Variants in CNTNAP2 observed in about 807,000 individuals in gnomAD.
CNTNAP2 encodes the protein contactin-associated protein-like 2.
Under a neutral mutation model 155.2 loss-of-function variants are expected in CNTNAP2, and 98 were observed. That is an observed-to-expected ratio of 0.63 (90% CI 0.54 to 0.75). The LOEUF (loss-of-function observed/expected upper bound fraction) is 0.75. CNTNAP2 is among the 30% of genes least tolerant of loss of function. The pLI is 0.00. For missense variants in CNTNAP2, 1,727 were observed against 1,688.1 expected (o/e 1.02, Z -0.40); for synonymous variants, 651 against 631.2 (o/e 1.03, Z -0.47).
At chr7:146,632,085 G>T (rs1266488366) in intron 1 of CNTNAP2, among the ~76,000 whole-genome samples, 2 of 152,168 alleles carry the variant, frequency 1.3e-5, no homozygotes, top group African/African-American at 4.8e-5. Context: ...TCTCACAGGA[G>T]TGATGATGGA....
chr7:148,217,138 T>C, intron 18 of CNTNAP2, 150 bp from the exon 19 acceptor site: 1 of 700,926 alleles, frequency 1.4e-6, no homozygotes, highest in Non-Finnish European at 2.5e-6. Flanking sequence ...AGTATTTGTG[T>C]TGATGCAATA....
At chr7:146,330,463 T>A (rs1439141532) in intron 1 of CNTNAP2, among the ~76,000 whole-genome samples, 1 of 152,150 alleles carries the variant, frequency 6.6e-6, no homozygotes. Flanking sequence ...ACACAATCAA[T>A]TGTATGTATA....
At chr7:147,798,528 G>A (rs10240613) in intron 13 of CNTNAP2, among the ~76,000 whole-genome samples, 2,007 of 152,312 alleles carry the variant, frequency 0.013, 42 homozygotes, top group African/African-American at 0.045. Context: ...TGCACTGGAA[G>A]TGAGATGGCT....
intron 1 of CNTNAP2, among the ~76,000 whole-genome samples, chr7:146,567,832 T>C (rs973515933): frequency 4.6e-5 from 7 of 152,164 alleles, no homozygotes; most frequent in African/African-American, 7.2e-5. Flanking sequence ...GCCATTCTCC[T>C]GCCTCAGCCT....
At chr7:146,902,457 T>A (rs1199362867) in intron 3 of CNTNAP2, among the ~76,000 whole-genome samples, 1 of 152,200 alleles carries the variant, frequency 6.6e-6, no homozygotes, top group African/African-American at 2.4e-5. Flanking sequence ...TCATACTGAA[T>A]TTTGCTATAA....
chr7:146,506,172 G>T (rs1380289865), intron 1 of CNTNAP2, among the ~76,000 whole-genome samples: 5 of 152,182 alleles, frequency 3.3e-5, no homozygotes, highest in African/African-American at 1.2e-4. Context: ...TCCTGCAAGG[G>T]TAGGCAAACA....
chr7:146,784,668 A>G (rs1802543957), intron 2 of CNTNAP2, among the ~76,000 whole-genome samples: 1 of 152,144 alleles, frequency 6.6e-6, no homozygotes, highest in African/African-American at 2.4e-5. Flanking sequence ...CACTTCTATA[A>G]TGAGAAATTT....
chr7:147,262,537 G>T (rs1037774251), intron 8 of CNTNAP2, among the ~76,000 whole-genome samples: 1 of 152,174 alleles, frequency 6.6e-6, no homozygotes, highest in Non-Finnish European at 1.5e-5. Flanking sequence ...TGGCGCGGTG[G>T]CTCACGCCTG....
intron 9 of CNTNAP2, among the ~76,000 whole-genome samples, chr7:147,308,089 T>G (rs2116788274): frequency 6.6e-6 from 1 of 152,178 alleles, no homozygotes; most frequent in Admixed American, 6.5e-5. Flanking sequence ...AAACCTTTGA[T>G]TAAGAAGATA....
chr7:146,679,576 C>T (rs940125353), intron 1 of CNTNAP2, among the ~76,000 whole-genome samples: 9 of 151,870 alleles, frequency 5.9e-5, no homozygotes, highest in African/African-American at 2.4e-5. Context: ...AGGCTGGTCT[C>T]GAACGCCTGA....
In CNTNAP2 at chr7:147,903,666, C is replaced by T. The variant is rs775506190; in HGVS notation, c.2200C>T (p.Arg734Cys). The T allele has an allele frequency of 8.7e-6, 14 of 1,613,996 alleles. No individual in the cohort carries two copies. The highest frequency in any genetic ancestry group is 5.0e-5 in the Admixed American group (3 of 59,996). ...GIQKCACGIE[R>C]NCTDPKYYCN... ...CCAGAAATGTGCCTGCGGCATCGAA[C>T]GCAACTGCACAGATCCCAAGTACTA... Residue 734 changes from arginine to cysteine, a missense_variant, in exon 14 of 24, where the codon CGC (arginine) becomes TGC (cysteine). Physicochemically the swap from Arg to Cys is radical, Grantham distance 180. Coordinates refer to ENST00000361727, the MANE Select transcript of CNTNAP2 (RefSeq NM_014141.6).
intron 1 of CNTNAP2, among the ~76,000 whole-genome samples, chr7:146,450,508 C>A (rs2129122119): frequency 6.6e-6 from 1 of 152,310 alleles, no homozygotes; most frequent in African/African-American, 2.4e-5. Flanking sequence ...CGTGTGGCTT[C>A]TCTACTGCGT....
chr7:147,522,304 T>A (rs796622251), intron 11 of CNTNAP2, among the ~76,000 whole-genome samples: 4 of 152,350 alleles, frequency 2.6e-5, no homozygotes, highest in African/African-American at 9.6e-5. Context: ...TTATTTCTGA[T>A]TTTAATTGGT....
chr7:148,188,795 C>A (rs1176213512), intron 18 of CNTNAP2, among the ~76,000 whole-genome samples: 2 of 152,164 alleles, frequency 1.3e-5, no homozygotes, highest in Non-Finnish European at 2.9e-5. Context: ...GCATATATAG[C>A]ATTTCATTCC....
At chr7:147,510,678 G>A (rs1798999629) in intron 11 of CNTNAP2, among the ~76,000 whole-genome samples, 1 of 150,650 alleles carries the variant, frequency 6.6e-6, no homozygotes, top group Admixed American at 6.6e-5. Flanking sequence ...CATAAATTTT[G>A]AATTATTATT....
At chr7:146,874,589 G>A (rs146047865) in intron 3 of CNTNAP2, among the ~76,000 whole-genome samples, 3,199 of 151,988 alleles carry the variant, frequency 0.021, 86 homozygotes, top group Non-Finnish European at 0.027. Flanking sequence ...TCCGCCCACC[G>A]TGGCCTCCCA....
intron 2 of CNTNAP2, among the ~76,000 whole-genome samples, chr7:146,781,279 A>G (rs545625867): frequency 6.6e-6 from 1 of 151,852 alleles, no homozygotes; most frequent in South Asian, 2.1e-4. Flanking sequence ...TGATAGGTGC[A>G]GTAAGCCACC....
intron 1 of CNTNAP2, among the ~76,000 whole-genome samples, chr7:146,290,792 G>A (rs1224476774): frequency 6.6e-6 from 1 of 152,158 alleles, no homozygotes; most frequent in Non-Finnish European, 1.5e-5. Context: ...GAGTTTATTT[G>A]CCTGCTTAAA....
At chr7:146,679,081 C>T (rs344456) in intron 1 of CNTNAP2, among the ~76,000 whole-genome samples, 149,257 of 152,296 alleles carry the variant, frequency 0.98, 73,163 homozygotes, top group East Asian at 1. Context: ...TCTTGGAGGC[C>T]TGTTGTATAG....
Sources: allele counts gnomAD v4.1 joint callset (sites outside exome capture counted in the v4.1 genomes callset), GRCh38; gene constraint gnomAD v4.1.1; transcripts MANE v1.5; gene names NCBI Gene and HGNC (gene_info 2026-07-23, HGNC 2026-07-21).